Variants in MACROD2 observed in about 807,000 individuals in gnomAD.
MACROD2 encodes the protein ADP-ribose glycohydrolase MACROD2.
A neutral mutation model predicts 70.4 loss-of-function variants in MACROD2; 36 were observed. That is an observed-to-expected ratio of 0.51 (90% CI 0.39 to 0.68). The LOEUF is 0.68. Ranked by LOEUF, MACROD2 falls within the 30% of genes least tolerant of loss-of-function variation. MACROD2 has a pLI of 0.00. For synonymous variants in MACROD2, 172 were observed against 178.8 expected (o/e 0.96, Z 0.30); for missense variants, 496 against 538.4 (o/e 0.92, Z 0.78).
intron 3 of MACROD2, among the ~76,000 whole-genome samples, chr20:14,130,580 G>C (rs1969777): frequency 6.6e-6 from 1 of 151,874 alleles, no homozygotes; most frequent in South Asian, 2.1e-4. Context: ...AATATCTACC[G>C]TTAGCATAGG....
At chr20:15,514,131 G>T (rs1179659952) in intron 8 of MACROD2, among the ~76,000 whole-genome samples, 1 of 152,084 alleles carries the variant, frequency 6.6e-6, no homozygotes, top group Non-Finnish European at 1.5e-5. Flanking sequence ...AGAGTCAAAA[G>T]TTTAAAAAAT....
intron 2 of MACROD2, among the ~76,000 whole-genome samples, chr20:14,021,817 G>A (rs192535565): frequency 1.3e-5 from 2 of 152,302 alleles, no homozygotes; most frequent in Admixed American, 6.5e-5. Context: ...TAGAGGTATA[G>A]GAGTGTTTGT....
At chr20:15,737,878 GGATGGATGGATGATGAATGGAT>G (rs972132262) in intron 8 of MACROD2, among the ~76,000 whole-genome samples, 2 of 151,754 alleles carry the variant, frequency 1.3e-5, no homozygotes, top group African/African-American at 2.4e-5. Flanking sequence ...ATGGATGGAT[GGATGGATGGATGATGAATGGAT>G]GATGGATGGA....
At chr20:14,229,407 G>A (rs1336641218) in intron 3 of MACROD2, among the ~76,000 whole-genome samples, 1 of 152,066 alleles carries the variant, frequency 6.6e-6, no homozygotes, top group Non-Finnish European at 1.5e-5. Context: ...AAAAAGTAAG[G>A]GAAAGATTTG....
chr20:16,018,165 A>G (rs1032835191), intron 15 of MACROD2, among the ~76,000 whole-genome samples: 2 of 152,244 alleles, frequency 1.3e-5, no homozygotes, highest in African/African-American at 4.8e-5. Context: ...GGAAGGCCTT[A>G]TGAGGAAGAG....
rs368975985 is a variant in MACROD2, at chr20:15,590,243, A to G, written c.645+90396A>G. ...CTCACTATACGCCAGGTAGCATGCTAGACATTTCCATAGGTGTTGACTTGT... is the reference window on the plus strand; with the variant it reads ...CTCACTATACGCCAGGTAGCATGCTGGACATTTCCATAGGTGTTGACTTGT... On this transcript the variant is annotated intron_variant, in intron 8 of 17. Coordinates refer to ENST00000684519, the MANE Select transcript of MACROD2 (RefSeq NM_001351661.2). 7.2e-5 allele frequency among the ~76,000 whole-genome samples: 11 copies of G among 152,310 alleles called. No individual in the cohort carries two copies. In the East Asian group the frequency reaches 9.7e-4, roughly 13 times the overall value.
chr20:15,069,554 A>G (rs2075602866), intron 5 of MACROD2, among the ~76,000 whole-genome samples: 1 of 152,214 alleles, frequency 6.6e-6, no homozygotes, highest in African/African-American at 2.4e-5. Flanking sequence ...GGCCAGGCCC[A>G]AGGCTCCACT....
chr20:15,931,780 T>C (rs2065582158), intron 10 of MACROD2, among the ~76,000 whole-genome samples: 1 of 152,322 alleles, frequency 6.6e-6, no homozygotes, highest in Middle Eastern at 3.4e-3. Context: ...TTTTTCTTTT[T>C]TTGTCCTTCT....
At chr20:14,305,837 T>A (rs1397815803) in intron 3 of MACROD2, among the ~76,000 whole-genome samples, 2 of 152,036 alleles carry the variant, frequency 1.3e-5, no homozygotes, top group East Asian at 3.9e-4. Flanking sequence ...AAGATTTTGT[T>A]ACATATTTTT....
At chr20:15,505,809 A>G (rs894746107) in intron 8 of MACROD2, among the ~76,000 whole-genome samples, 4 of 152,152 alleles carry the variant, frequency 2.6e-5, no homozygotes, top group Non-Finnish European at 5.9e-5. Flanking sequence ...GTTTTCTTTT[A>G]TATAGGAGGA....
intron 11 of MACROD2, among the ~76,000 whole-genome samples, chr20:15,936,241 G>A (rs1248264927): frequency 6.9e-6 from 1 of 144,440 alleles, no homozygotes; most frequent in Non-Finnish European, 1.5e-5. Context: ...AGTCCATGTA[G>A]TATATATATG....
At chr20:14,988,374 A>G (rs1031791843) in intron 5 of MACROD2, among the ~76,000 whole-genome samples, 2 of 150,236 alleles carry the variant, frequency 1.3e-5, no homozygotes. Flanking sequence ...AAAAAAAAAA[A>G]GGCTTTATAA....
At chr20:15,957,089 A>G (rs571758765) in intron 12 of MACROD2, among the ~76,000 whole-genome samples, 1 of 152,270 alleles carries the variant, frequency 6.6e-6, no homozygotes, top group South Asian at 2.1e-4. Flanking sequence ...AAACAGGCAC[A>G]ACTTATAGAT....
chr20:15,713,443 C>G (rs992379019), intron 8 of MACROD2, among the ~76,000 whole-genome samples: 1 of 152,142 alleles, frequency 6.6e-6, no homozygotes, highest in South Asian at 2.1e-4. Context: ...GTTCTGAAGG[C>G]TATACAGGCT....
chr20:14,424,069 A>AT (rs1291532401), intron 3 of MACROD2, among the ~76,000 whole-genome samples: 1 of 151,944 alleles, frequency 6.6e-6, no homozygotes, highest in Non-Finnish European at 1.5e-5. Flanking sequence ...GCCTTAAAGT[A>AT]TTTTTTAATG....
At chr20:14,843,258 A>G (rs2073105986) in intron 5 of MACROD2, among the ~76,000 whole-genome samples, 1 of 150,326 alleles carries the variant, frequency 6.7e-6, no homozygotes, top group Non-Finnish European at 1.5e-5. Context: ...ATCTAACTGA[A>G]TGGCCTCTGA....
At chr20:14,280,065 A>G (rs1290241754) in intron 3 of MACROD2, among the ~76,000 whole-genome samples, 2 of 152,336 alleles carry the variant, frequency 1.3e-5, no homozygotes, top group East Asian at 3.9e-4. Flanking sequence ...ATTACTGAAT[A>G]TAGTCATTTT....
At chr20:14,382,737 C>T (rs2083435736) in intron 3 of MACROD2, among the ~76,000 whole-genome samples, 1 of 151,998 alleles carries the variant, frequency 6.6e-6, no homozygotes, top group African/African-American at 2.4e-5. Context: ...GGGTGACCTA[C>T]CGATTTGCCA....
intron 2 of MACROD2, among the ~76,000 whole-genome samples, chr20:14,053,928 G>T (rs964583594): frequency 6.6e-6 from 1 of 151,954 alleles, no homozygotes; most frequent in Non-Finnish European, 1.5e-5. Flanking sequence ...TCTATTAAAT[G>T]TTGAGCTTGG....
Sources: allele counts gnomAD v4.1 joint callset (sites outside exome capture counted in the v4.1 genomes callset), GRCh38; gene constraint gnomAD v4.1.1; transcripts MANE v1.5; gene names NCBI Gene and HGNC (gene_info 2026-07-23, HGNC 2026-07-21).